The following HDLBP variants were observed in gnomAD, a reference collection of about 807,000 sequenced individuals.
The protein encoded by HDLBP is high density lipoprotein binding protein.
Under a neutral mutation model 137.3 loss-of-function variants are expected in HDLBP, and 30 were observed. The observed-to-expected ratio is 0.22, with a 90% CI of 0.16 to 0.30. The LOEUF is 0.30. HDLBP is among the 10% of genes least tolerant of loss of function. The pLI, the probability that HDLBP is intolerant of heterozygous loss-of-function variation, is 1.00. For synonymous variants in HDLBP, 606 were observed against 596.0 expected, an observed-to-expected ratio of 1.02 and a Z score of -0.24; for missense variants, 1,119 against 1,667.3, an observed-to-expected ratio of 0.67 and a Z score of 5.73.
At chr2:241,243,256 G>C (rs950043902) in intron 16 of HDLBP, among the ~76,000 whole-genome samples, 1 of 152,188 alleles carries the variant, frequency 6.6e-6, no homozygotes, top group Admixed American at 6.5e-5. Flanking sequence ...AGAGCCCAAA[G>C]AGACTGGCAT....
chr2:241,289,066 G>A (rs1389179288), intron 1 of HDLBP, among the ~76,000 whole-genome samples: 1 of 152,208 alleles, frequency 6.6e-6, no homozygotes, highest in Non-Finnish European at 1.5e-5. Flanking sequence ...AACGCCATGG[G>A]TGGAAAATAC....
At chr2:241,254,701 G>A (rs2072475927) in intron 9 of HDLBP, among the ~76,000 whole-genome samples, 1 of 152,012 alleles carries the variant, frequency 6.6e-6, no homozygotes. Flanking sequence ...AGCCAGGATG[G>A]TCTCGATCTC....
intron 1 of HDLBP, among the ~76,000 whole-genome samples, chr2:241,286,795 A>T (rs2074828812): frequency 6.6e-6 from 1 of 152,022 alleles, no homozygotes; most frequent in Non-Finnish European, 1.5e-5. Flanking sequence ...TAAAAATAAA[A>T]ATTAGCCAGG....
intron 1 of HDLBP, among the ~76,000 whole-genome samples, chr2:241,287,528 C>T (rs1263618580): frequency 6.6e-6 from 1 of 151,736 alleles, no homozygotes; most frequent in African/African-American, 2.4e-5. Context: ...TCAAGCGATT[C>T]TCCCACCTCA....
rs1167417872 is a variant in HDLBP, at chr2:241,272,923, C to A, written c.-102-4382G>T. ...CGCCCGCCCGCCCCGCCGCTGGGGT[C>A]CCCGCCGCCCCGGGCCGCCCAGCAC... is the stretch of plus-strand genomic sequence containing the variant. On this transcript the variant is annotated intron_variant, in intron 1 of 27. Coordinates refer to ENST00000310931, the MANE Select transcript of HDLBP (RefSeq NM_005336.6). This position sits in a 1 kb window ranked among gnomAD's most constrained non-coding sequence, Gnocchi z 5.6. 3 of 741,774 alleles carry A rather than the reference C, an allele frequency of 4.0e-6. No homozygotes were observed. Among genetic ancestry groups the A allele is most frequent in the South Asian group, 5.9e-5 (1 of 16,862 alleles). The allele number at this position is 741,774 out of a possible 1,614,324, so 45.9% of individuals were successfully genotyped here.
rs1021570281 is a variant in HDLBP, at chr2:241,242,315, AAAGAC to A, written c.2169+140_2169+144del. 49 of 656,882 alleles carry A rather than the reference AAAGAC, an allele frequency of 7.5e-5. No homozygotes were observed. The Admixed American group carries it at 1.3e-3, about 18-fold the overall frequency. 40.7% of individuals were successfully genotyped at this position (656,882 alleles called of 1,614,324 possible). A position where few individuals can be genotyped will look rare whatever the true frequency, so the allele number is the denominator to read the frequency against. On this transcript the variant is annotated intron_variant, in intron 17 of 27. Coordinates refer to ENST00000310931, the MANE Select transcript of HDLBP (RefSeq NM_005336.6). ...AAGGCCCTCCAGTAACAGCAAAAACAAAGACGCATAAACAGTACATTATAGAGCTG... is the reference window on the plus strand; with the variant it reads ...AAGGCCCTCCAGTAACAGCAAAAACAGCATAAACAGTACATTATAGAGCTG...
chr2:241,231,596 C>G (rs2069759180), intron 24 of HDLBP, among the ~76,000 whole-genome samples: 1 of 152,174 alleles, frequency 6.6e-6, no homozygotes, highest in Non-Finnish European at 1.5e-5. Flanking sequence ...CTTCCTGCTT[C>G]TTTGCCCACG....
chr2:241,290,292 G>GT (rs1351289871), intron 1 of HDLBP, among the ~76,000 whole-genome samples: 1 of 152,182 alleles, frequency 6.6e-6, no homozygotes, highest in African/African-American at 2.4e-5. Context: ...CAGAACAAGA[G>GT]TAACAGCTCT....
intron 5 of HDLBP, among the ~76,000 whole-genome samples, chr2:241,258,150 G>C (rs142465375): frequency 0.02 from 2,969 of 152,060 alleles, 172 homozygotes; most frequent in Admixed American, 0.099. Context: ...TGTAATCCCA[G>C]CACTTTGGGA....
chr2:241,292,705 A>G (rs1029184657), intron 1 of HDLBP, among the ~76,000 whole-genome samples: 22 of 152,224 alleles, frequency 1.4e-4, no homozygotes. Context: ...GGGAGTGGGC[A>G]GGGCTATAGT....
chr2:241,255,126 G>A lies in HDLBP; in HGVS notation c.1113C>T (p.Ala371=), dbSNP rs2072508833. The A allele has an allele frequency of 1.9e-6, 3 of 1,614,174 alleles. No homozygotes were observed. The highest frequency in any genetic ancestry group is 1.7e-6 in the Non-Finnish European group (2 of 1,180,026). The change falls in exon 9 of 28, where the codon GCC becomes GCT. Residue 371 remains alanine (A), a synonymous_variant. Transcript: ENST00000310931. ...TGATGAAACGGTGAAGCCAGGAAGG[G>A]GCGGCGACAGAGGAGACGGTGAAGC... ...ANSFTVSSVA[A]PSWLHRFIIG...
At chr2:241,246,719 G>A (rs2071712338) in intron 16 of HDLBP, 33 bp downstream of exon 16, 3 of 1,602,692 alleles carry the variant, frequency 1.9e-6, no homozygotes, top group Admixed American at 3.4e-5. Flanking sequence ...AGATTTTACT[G>A]GAGGATCTCC....
intron 14 of HDLBP, 91 bp from the exon 15 acceptor site, chr2:241,247,233 A>G: frequency 1.3e-6 from 1 of 790,106 alleles, no homozygotes; most frequent in East Asian, 2.6e-5. Context: ...CATGAACACG[A>G]CAGAGCACTG....
Position 241,239,470 on chromosome 2 carries a change from A to G in HDLBP, c.2610+132T>C. The G allele has an allele frequency of 2.9e-6, 2 of 687,150 alleles. No individual in the cohort carries two copies. The highest frequency in any genetic ancestry group is 5.1e-5 in the Admixed American group (2 of 39,152). The allele number at this position is 687,150 out of a possible 1,614,324, so 42.6% of individuals were successfully genotyped here. A position where few individuals can be genotyped will look rare whatever the true frequency, so the allele number is the denominator to read the frequency against. ...GAGGAAAGAAGAGCGAGCACCAGAA[A>G]GCCCCTTCTGAAGCCTTCCAGGGCT... On this transcript the variant is annotated intron_variant, in intron 19 of 27. Transcript: ENST00000310931. The surrounding 1 kb of genome is among the most constrained non-coding windows in gnomAD (Gnocchi z 4.6).
At position 241,230,240 on chromosome 2, in the gene HDLBP, G is replaced by T. The variant is rs760986441; in HGVS notation, c.3504C>A (p.Ala1168=). 9 of 1,606,794 alleles carry T rather than the reference G, an allele frequency of 5.6e-6. No individual in the cohort carries two copies. In the Admixed American group the frequency reaches 8.4e-5, roughly 15 times the overall value. Residue 1168 remains alanine (A), a synonymous_variant, in exon 26 of 28, where the codon GCC becomes GCA. Coordinates refer to ENST00000310931, the MANE Select transcript of HDLBP (RefSeq NM_005336.6). The surrounding 1 kb of genome is among the most constrained non-coding windows in gnomAD (Gnocchi z 5.0). The part of the protein sequence containing the change: ...KVDIRFPQSG[A]PDPNCVTVTG... ...TCACAGTGACGCAGTTGGGGTCTGGGGCTCCGCTCTGTGGGAAGCGAATGT... is the reference window on the plus strand; with the variant it reads ...TCACAGTGACGCAGTTGGGGTCTGGTGCTCCGCTCTGTGGGAAGCGAATGT...
chr2:241,247,305 A>AAC (rs2071757674), intron 14 of HDLBP, 163 bp from the exon 15 acceptor site: 3 of 616,346 alleles, frequency 4.9e-6, no homozygotes, highest in Non-Finnish European at 8.8e-6. Context: ...TCATTTGTCC[A>AAC]ACAACTAACT....
chr2:241,250,018 C>T lies in HDLBP; in HGVS notation c.1373-38G>A, dbSNP rs1041854905. 11 of 1,565,034 alleles carry T rather than the reference C, an allele frequency of 7.0e-6. 1 individual carries two copies. The South Asian group carries it at 1.3e-4, about 19-fold the overall frequency. On this transcript the variant is annotated intron_variant, in intron 11 of 27. Coordinates refer to ENST00000310931, the MANE Select transcript of HDLBP (RefSeq NM_005336.6). ...AAAGGAAACACATTTAGGACACAGA[C>T]CAACAACATTCTGCCAATGACATAA...
chr2:241,256,519 C>T, intron 6 of HDLBP, 81 bp downstream of exon 6: 1 of 1,534,666 alleles, frequency 6.5e-7, no homozygotes, highest in South Asian at 1.1e-5. Context: ...TTGAAGTCCA[C>T]ACTGGACACG....
Position 241,233,197 on chromosome 2 carries a change from G to A in HDLBP, c.3288+623C>T, listed in dbSNP as rs753765168. 2.0e-5 allele frequency among the ~76,000 whole-genome samples: 3 copies of A among 152,208 alleles called. No individual in the cohort carries two copies. Among genetic ancestry groups the A allele is most frequent in the Admixed American group, 6.5e-5 (1 of 15,286 alleles). ...CACCCCAGCAGGATGCCAGAGCCAG[G>A]AAAGACCAAGCCTGGGAAGTGTGTG... On this transcript the variant is annotated intron_variant, in intron 24 of 27. Coordinates refer to ENST00000310931, the MANE Select transcript of HDLBP (RefSeq NM_005336.6). This position sits in a 1 kb window ranked among gnomAD's most constrained non-coding sequence, Gnocchi z 4.3.
Sources: gnomAD v4.1 joint callset for allele counts (sites outside exome capture counted in the v4.1 genomes callset) on GRCh38, gnomAD v4.1.1 for gene constraint, Gnocchi (gnomAD v3.1) non-coding constraint, MANE v1.5 for transcripts, NCBI Gene and HGNC (gene_info 2026-07-23, HGNC 2026-07-21) for gene names.